Variants in COL5A1 observed in about 807,000 individuals in gnomAD.
COL5A1 encodes the protein collagen type V alpha 1 chain.
A neutral mutation model predicts 263.7 loss-of-function variants in COL5A1; 16 were observed. That is an observed-to-expected ratio of 0.06 (90% CI 0.04 to 0.09). The LOEUF (loss-of-function observed/expected upper bound fraction) is 0.09, where lower values mean the gene tolerates loss of function less well. Among genes scored for constraint, COL5A1 ranks in the 10% least tolerant of loss-of-function variants. The probability of loss-of-function intolerance (pLI) is 1.00; values close to 1 mark genes in which losing one functional copy is unlikely to be tolerated. For synonymous variants in COL5A1, 1,012 were observed against 1,004.5 expected (o/e 1.01, Z -0.14); for missense variants, 2,036 against 2,540.5 (o/e 0.80, Z 4.27).
At chr9:134,687,669 C>T (rs561526733) in intron 1 of COL5A1, among the ~76,000 whole-genome samples, 8 of 152,290 alleles carry the variant, frequency 5.3e-5, no homozygotes, top group Admixed American at 3.9e-4. Flanking sequence ...GAGTAGGCAC[C>T]GGGCTGGGTG....
chr9:134,659,391 AT>A (rs1271857813), intron 1 of COL5A1, among the ~76,000 whole-genome samples: 1 of 152,180 alleles, frequency 6.6e-6, no homozygotes, highest in Admixed American at 6.5e-5. Flanking sequence ...TCTCAAAACA[AT>A]AATAATAATC....
chr9:134,665,278 T>C (rs950530516), intron 1 of COL5A1, among the ~76,000 whole-genome samples: 1 of 152,206 alleles, frequency 6.6e-6, no homozygotes, highest in Non-Finnish European at 1.5e-5. Context: ...CCTGCAGATA[T>C]ACGTGTGTGT....
intron 65 of COL5A1, among the ~76,000 whole-genome samples, chr9:134,837,707 T>A (rs1839894117): frequency 6.6e-6 from 1 of 151,844 alleles, no homozygotes; most frequent in South Asian, 2.1e-4. Flanking sequence ...GCTGTTGGCA[T>A]CTGGGGAAGT....
intron 39 of COL5A1, 124 bp downstream of exon 39, chr9:134,803,119 G>T: frequency 3.6e-6 from 3 of 826,138 alleles, no homozygotes; most frequent in Non-Finnish European, 6.1e-6. Flanking sequence ...TCTCATGCCG[G>T]TTCACTCCCC....
chr9:134,701,112 A>G (rs574685664), intron 3 of COL5A1, 59 bp from the exon 4 acceptor site: 1 of 1,589,520 alleles, frequency 6.3e-7, no homozygotes, highest in African/African-American at 1.3e-5. Flanking sequence ...TTTGCAGCAA[A>G]ATTGCTTGAG....
intron 31 of COL5A1, among the ~76,000 whole-genome samples, chr9:134,788,536 AG>A (rs1837551107): frequency 2.1e-5 from 1 of 48,206 alleles, no homozygotes; most frequent in South Asian, 6.4e-4. Context: ...GGGTGAATGG[AG>A]GGGTGGGTGG....
At chr9:134,733,440 C>T (rs1487782190) in intron 9 of COL5A1, among the ~76,000 whole-genome samples, 3 of 152,212 alleles carry the variant, frequency 2.0e-5, no homozygotes, top group Non-Finnish European at 2.9e-5. Context: ...AGGCCCAACC[C>T]AGGGGTGGGA....
At position 134,682,041 on chromosome 9, in the gene COL5A1, C is replaced by T. The variant is rs1449840392; in HGVS notation, c.110-8871C>T. ...GATCCCCAGCTCATTCTATCAAGTC[C>T]ACCCTGGTCCCTTGGCTGTGCAGGC... On this transcript the variant is annotated intron_variant, in intron 1 of 65. Transcript: ENST00000371817. The surrounding 1 kb of genome is among the most constrained non-coding windows in gnomAD (Gnocchi z 5.1). Among the ~76,000 whole-genome samples the T allele has an allele frequency of 6.6e-6, 1 of 152,204 alleles. No homozygotes were observed. Among genetic ancestry groups the T allele is most frequent in the Non-Finnish European group, 1.5e-5 (1 of 68,044 alleles).
rs199755089 is a variant in COL5A1, at chr9:134,731,522, G to A, written c.1191G>A (p.Ala397=). 1.7e-5 allele frequency: 27 copies of A among 1,614,222 alleles called. No homozygotes were observed. The South Asian group carries it at 2.2e-4, about 13-fold the overall frequency. The part of the protein sequence containing the change: ...SNPAPPPGEG[A]DDLEGEFTEE... The stretch of plus-strand genomic sequence containing the variant: ...CAGCTCCGCCTCCAGGGGAAGGTGC[G>A]GATGACTTGGAGGGGGAGTTCACTG... The change falls in exon 8 of 66, where the codon GCG becomes GCA. Residue 397 remains alanine (A), a synonymous_variant. Transcript: ENST00000371817.
At chr9:134,691,137 G>T in intron 2 of COL5A1, 58 bp downstream of exon 2, 1 of 1,604,514 alleles carries the variant, frequency 6.2e-7, no homozygotes. Context: ...CTGGCCTCCA[G>T]CCAGGAGCAG....
At position 134,696,664 on chromosome 9, in the gene COL5A1, A is replaced by G. The variant is rs1002282465; in HGVS notation, c.278-3245A>G. The stretch of plus-strand genomic sequence containing the variant: ...TGATCCACTGTAGTGAGCAATCGGT[A>G]TGCTTAGTAACTGTCGGCTCAGTAT... On this transcript the variant is annotated intron_variant, in intron 2 of 65. Coordinates refer to ENST00000371817, the MANE Select transcript of COL5A1 (RefSeq NM_000093.5). This position sits in a 1 kb window ranked among gnomAD's most constrained non-coding sequence, Gnocchi z 4.3. 6.6e-6 allele frequency among the ~76,000 whole-genome samples: 1 copy of G among 152,226 alleles called. No homozygotes were observed. The highest frequency in any genetic ancestry group is 1.5e-5 in the Non-Finnish European group (1 of 68,044).
At chr9:134,695,810 G>T (rs1215922287) in intron 2 of COL5A1, among the ~76,000 whole-genome samples, 2 of 152,184 alleles carry the variant, frequency 1.3e-5, no homozygotes, top group Non-Finnish European at 2.9e-5. Flanking sequence ...TTGGGTCCAG[G>T]CCAGAAGGTT....
At chr9:134,747,370 C>T (rs1835554447) in intron 11 of COL5A1, among the ~76,000 whole-genome samples, 1 of 152,228 alleles carries the variant, frequency 6.6e-6, no homozygotes, top group Non-Finnish European at 1.5e-5. Context: ...AAGGAGTGGC[C>T]TTGAGGAGAC....
Position 134,700,219 on chromosome 9 carries a change from A to G in COL5A1, c.491+97A>G. 8.5e-7 allele frequency: 1 copy of G among 1,181,344 alleles called. No homozygotes were observed. Among genetic ancestry groups the G allele is most frequent in the Non-Finnish European group, 1.2e-6 (1 of 827,202 alleles). 73.2% of individuals were successfully genotyped at this position (1,181,344 alleles called of 1,614,324 possible). ...ATGTGGGGCACAGTAGAGGACGTGC[A>G]GCAGCCGGTACTGAGACTCCCACAG... On this transcript the variant is annotated intron_variant, in intron 3 of 65. Transcript: ENST00000371817. The surrounding 1 kb of genome is among the most constrained non-coding windows in gnomAD (Gnocchi z 4.0).
rs1832891368 is a variant in COL5A1 at position 134,682,480 on chromosome 9, G to A, written c.110-8432G>A. The stretch of plus-strand genomic sequence containing the variant: ...CCGACGGAGCCAGCCCAGTGCCAGG[G>A]ACAGAGTTGGAAATAACCTTCTAAT... On this transcript the variant is annotated intron_variant, in intron 1 of 65. Transcript: ENST00000371817. This position sits in a 1 kb window ranked among gnomAD's most constrained non-coding sequence, Gnocchi z 5.1. Among the ~76,000 whole-genome samples, 1 of 152,190 alleles carries A rather than the reference G, an allele frequency of 6.6e-6. No individual in the cohort carries two copies. The highest frequency in any genetic ancestry group is 2.4e-5 in the African/African-American group (1 of 41,438).
At chr9:134,694,570 T>C (rs771020696) in intron 2 of COL5A1, among the ~76,000 whole-genome samples, 4 of 152,186 alleles carry the variant, frequency 2.6e-5, no homozygotes, top group African/African-American at 4.8e-5. Context: ...AGGCTAGAAT[T>C]TCCCCCCTCA....
chr9:134,693,599 G>A (rs1833359049), intron 2 of COL5A1, among the ~76,000 whole-genome samples: 1 of 152,130 alleles, frequency 6.6e-6, no homozygotes, highest in South Asian at 2.1e-4. Flanking sequence ...GTTGGGTTGG[G>A]ACCTGCAGAG....
At chr9:134,780,340 G>A (rs1174530277) in intron 28 of COL5A1, among the ~76,000 whole-genome samples, 194 bp downstream of exon 28, 1 of 152,168 alleles carries the variant, frequency 6.6e-6, no homozygotes, top group Non-Finnish European at 1.5e-5. Context: ...TTGAGGATAG[G>A]CCCTCGGGTC....
chr9:134,777,250 T>G (rs1054211362), intron 27 of COL5A1, among the ~76,000 whole-genome samples: 5 of 152,242 alleles, frequency 3.3e-5, no homozygotes, highest in Non-Finnish European at 5.9e-5. Context: ...CATCCAGGCC[T>G]TGGGCGAAAG....
Sources: gnomAD v4.1 joint callset for allele counts (sites outside exome capture counted in the v4.1 genomes callset) on GRCh38, gnomAD v4.1.1 for gene constraint, Gnocchi (gnomAD v3.1) non-coding constraint, MANE v1.5 for transcripts, NCBI Gene and HGNC (gene_info 2026-07-23, HGNC 2026-07-21) for gene names.